Variants in HABP4 observed in about 807,000 individuals in gnomAD.
HABP4 encodes the protein intracellular hyaluronan-binding protein 4.
HABP4 carries 32 observed loss-of-function variants against 44.1 expected under a neutral mutation model. The observed-to-expected ratio is 0.73, with a 90% CI of 0.55 to 0.97. HABP4 has a LOEUF of 0.97. Among genes scored for constraint, HABP4 ranks in the 50% least tolerant of loss-of-function variants. The pLI is 0.00. For missense variants in HABP4, 503 were observed against 561.9 expected, an observed-to-expected ratio of 0.90 and a Z score of 1.06; for synonymous variants, 216 against 218.0, an observed-to-expected ratio of 0.99 and a Z score of 0.08.
At chr9:96,455,477 A>AT (rs1832358247) in intron 1 of HABP4, among the ~76,000 whole-genome samples, 1 of 149,558 alleles carries the variant, frequency 6.7e-6, no homozygotes, top group African/African-American at 2.5e-5. Flanking sequence ...AAAAAAAAAA[A>AT]AAGTGGCCAG....
At chr9:96,481,042 C>T (rs1168914732) in intron 5 of HABP4, among the ~76,000 whole-genome samples, 1 of 152,140 alleles carries the variant, frequency 6.6e-6, no homozygotes, top group Non-Finnish European at 1.5e-5. Flanking sequence ...ATCAGCTCTT[C>T]AGTGAAGATA....
intron 4 of HABP4, 94 bp downstream of exon 4, chr9:96,465,872 C>T: frequency 1.4e-6 from 1 of 733,640 alleles, no homozygotes; most frequent in Non-Finnish European, 2.4e-6. Context: ...CTGTATTGTG[C>T]TTTATACTTG....
At chr9:96,454,000 A>G (rs1302186010) in intron 1 of HABP4, among the ~76,000 whole-genome samples, 2 of 152,218 alleles carry the variant, frequency 1.3e-5, no homozygotes, top group Non-Finnish European at 2.9e-5. Context: ...GGGAGGGAAA[A>G]TGAAATGTTT....
At chr9:96,465,611 G>A in intron 3 of HABP4, 99 bp from the exon 4 acceptor site, 2 of 1,158,160 alleles carry the variant, frequency 1.7e-6, no homozygotes, top group Non-Finnish European at 2.6e-6. Context: ...TTATTCTTGT[G>A]AGAAGCTGAT....
chr9:96,465,763 C>T lies in HABP4; in HGVS notation c.728C>T (p.Ser243Leu), dbSNP rs370943512. ...GGATGTGGAGTTCGAACCTGGGGAT[C>T]GGGTAAAGATACCAGGTACGGTGTA... ...MGGCGVRTWG[S>L]GKDTSDVEPT... The change falls in exon 4 of 8, where the codon TCG (serine) becomes TTG (leucine). Residue 243 changes from serine to leucine, a missense_variant. Ser to Leu is a moderately radical substitution (Grantham distance 145). Around this residue, in one of 3 missense-constraint regions of HABP4, gnomAD observed 131 missense variants for 189.8 expected, o/e 0.69. Coordinates refer to ENST00000375249, the MANE Select transcript of HABP4 (RefSeq NM_014282.4). 45 of 1,575,808 alleles carry T rather than the reference C, an allele frequency of 2.9e-5. No individual in the cohort carries two copies. In the African/African-American group the frequency reaches 3.1e-4, roughly 11 times the overall value.
chr9:96,462,150 A>G (rs1277250433), intron 2 of HABP4, among the ~76,000 whole-genome samples: 1 of 151,342 alleles, frequency 6.6e-6, no homozygotes, highest in Admixed American at 6.6e-5. Flanking sequence ...TGTCTCAAAA[A>G]AAAAAAAAAA....
chr9:96,474,060 G>C (rs1832740008), intron 5 of HABP4, among the ~76,000 whole-genome samples: 1 of 152,182 alleles, frequency 6.6e-6, no homozygotes, highest in East Asian at 1.9e-4. Flanking sequence ...GTGTCCTAGA[G>C]TGGTGCCTGG....
chr9:96,489,475 C>G (rs1215483329), intron 7 of HABP4, among the ~76,000 whole-genome samples: 2 of 151,618 alleles, frequency 1.3e-5, no homozygotes, highest in Non-Finnish European at 2.9e-5. Flanking sequence ...CTTTGCTCAT[C>G]CATTGAGGTT....
chr9:96,470,902 AAAAAAAAACCC>A (rs1460432562), intron 4 of HABP4, 98 bp from the exon 5 acceptor site: 1 of 724,942 alleles, frequency 1.4e-6, no homozygotes, highest in Non-Finnish European at 2.4e-6. Context: ...CTCAAAAAAA[AAAAAAAAACCC>A]AAAAAACCAA....
intron 1 of HABP4, among the ~76,000 whole-genome samples, chr9:96,451,245 G>A (rs865953076): frequency 2.0e-5 from 3 of 152,254 alleles, no homozygotes; most frequent in Admixed American, 1.3e-4. Flanking sequence ...GATGGGATGT[G>A]CAACTTATAA....
chr9:96,473,360 G>A (rs1464529411), intron 5 of HABP4, among the ~76,000 whole-genome samples: 1 of 152,142 alleles, frequency 6.6e-6, no homozygotes, highest in Non-Finnish European at 1.5e-5. Context: ...TGGAACTTCT[G>A]TCTTCTTGAC....
intron 5 of HABP4, among the ~76,000 whole-genome samples, chr9:96,479,538 G>T (rs1832841604): frequency 6.6e-6 from 1 of 150,854 alleles, no homozygotes; most frequent in East Asian, 2.0e-4. Context: ...TTGAGATGGA[G>T]TTTCACTCTT....
rs548345142 is a variant in HABP4, at chr9:96,479,346, T to C, written c.828-5116T>C. Among the ~76,000 whole-genome samples the C allele has an allele frequency of 5.7e-5, 8 of 139,756 alleles. No individual in the cohort carries two copies. The East Asian group carries it at 1.5e-3, about 27-fold the overall frequency. 91.7% of individuals were successfully genotyped at this position (139,756 alleles called of 152,430 possible). A position where few individuals can be genotyped will look rare whatever the true frequency, so the allele number is the denominator to read the frequency against. On this transcript the variant is annotated intron_variant, in intron 5 of 7. Coordinates refer to ENST00000375249, the MANE Select transcript of HABP4 (RefSeq NM_014282.4). ...GAGTAATCAAATTTGTATTTCAAAA[T>C]CATTTGAAATAGTTCTCTTGATGGT...
chr9:96,464,757 A>G (rs369671172), intron 2 of HABP4, among the ~76,000 whole-genome samples: 1 of 152,248 alleles, frequency 6.6e-6, no homozygotes, highest in East Asian at 1.9e-4. Flanking sequence ...TTGGCCGTTT[A>G]TGTGGAGTAA....
chr9:96,488,021 C>A lies in HABP4; in HGVS notation c.1000-68C>A. ...TAGCTCCTGTGTAGCACACTGCAGC[C>A]ACTAAGCCAGATGAGTGTGGGGATG... On this transcript the variant is annotated intron_variant, in intron 6 of 7. Coordinates refer to ENST00000375249, the MANE Select transcript of HABP4 (RefSeq NM_014282.4). This position sits in a 1 kb window ranked among gnomAD's most constrained non-coding sequence, Gnocchi z 4.6. 1 of 1,085,772 alleles carries A rather than the reference C, an allele frequency of 9.2e-7. No individual in the cohort carries two copies. The highest frequency in any genetic ancestry group is 1.4e-5 in the South Asian group (1 of 73,008). The allele number at this position is 1,085,772 out of a possible 1,614,324, so 67.3% of individuals were successfully genotyped here. A position where few individuals can be genotyped will look rare whatever the true frequency, so the allele number is the denominator to read the frequency against.
intron 5 of HABP4, among the ~76,000 whole-genome samples, chr9:96,482,331 G>A (rs184486563): frequency 2.0e-5 from 3 of 152,158 alleles, no homozygotes; most frequent in Non-Finnish European, 2.9e-5. Flanking sequence ...TATTTTACTC[G>A]TGTTTATGAA....
At chr9:96,468,152 G>A (rs1204999679) in intron 4 of HABP4, among the ~76,000 whole-genome samples, 1 of 151,698 alleles carries the variant, frequency 6.6e-6, no homozygotes, top group Non-Finnish European at 1.5e-5. Context: ...GCTCAATCTT[G>A]GCTTACCATA....
At chr9:96,451,216 C>T (rs970579828) in intron 1 of HABP4, among the ~76,000 whole-genome samples, 3 of 152,252 alleles carry the variant, frequency 2.0e-5, no homozygotes, top group Non-Finnish European at 2.9e-5. Context: ...CATCGTATTT[C>T]AGTACTTCGT....
Position 96,484,459 on chromosome 9 carries a change from T to C in HABP4, c.828-3T>C. On this transcript the variant is annotated splice_region_variant and splice_polypyrimidine_tract_variant and intron_variant, in intron 5 of 7. Transcript: ENST00000375249. Reference sequence around the variant, plus strand: ...TTCTTTATGATTATATATCTCTTTATAGAGTTCCTGAGTTGGAGGTAGAAG... The same window carrying C: ...TTCTTTATGATTATATATCTCTTTACAGAGTTCCTGAGTTGGAGGTAGAAG... 2 of 1,368,746 alleles carry C rather than the reference T, an allele frequency of 1.5e-6. No homozygotes were observed. Among genetic ancestry groups the C allele is most frequent in the African/African-American group, 1.4e-5 (1 of 69,700 alleles). The allele number at this position is 1,368,746 out of a possible 1,614,324, so 84.8% of individuals were successfully genotyped here. A position where few individuals can be genotyped will look rare whatever the true frequency, so the allele number is the denominator to read the frequency against.
Sources: allele counts gnomAD v4.1 joint callset (sites outside exome capture counted in the v4.1 genomes callset), GRCh38; gene constraint gnomAD v4.1.1; regional missense constraint gnomAD v4.1.1; non-coding constraint Gnocchi (gnomAD v3.1); transcripts MANE v1.5; gene names NCBI Gene and HGNC (gene_info 2026-07-23, HGNC 2026-07-21).